Variants in DENND2D observed in about 807,000 individuals in gnomAD.
DENND2D encodes DENN domain-containing protein 2D.
In DENND2D, 37 loss-of-function variants were observed where a neutral mutation model predicts 59.8. The ratio of observed to expected loss-of-function variants is 0.62; its 90% CI spans 0.48 to 0.81. The LOEUF (loss-of-function observed/expected upper bound fraction) is 0.81, where lower values mean the gene tolerates loss of function less well. Ranked by LOEUF, DENND2D falls within the 40% of genes least tolerant of loss-of-function variation. The pLI, the probability that DENND2D is intolerant of heterozygous loss-of-function variation, is 0.00. For missense variants in DENND2D, 525 were observed against 579.7 expected, an observed-to-expected ratio of 0.91 and a Z score of 0.97; for synonymous variants, 219 against 211.3, an observed-to-expected ratio of 1.04 and a Z score of -0.31.
At chr1:111,190,346 C>A (rs144252489) in intron 8 of DENND2D, among the ~76,000 whole-genome samples, 1 of 152,122 alleles carries the variant, frequency 6.6e-6, no homozygotes, top group South Asian at 2.1e-4. Flanking sequence ...AGTTTTAGCA[C>A]TGGCCCCATC....
chr1:111,189,773 C>A (rs1220614513), intron 8 of DENND2D, among the ~76,000 whole-genome samples: 1 of 152,178 alleles, frequency 6.6e-6, no homozygotes, highest in African/African-American at 2.4e-5. Flanking sequence ...TTGCATTCCT[C>A]TCTCTACAAT....
At chr1:111,200,740 G>A, upstream of DENND2D, 1 of 1,240,446 alleles carries the variant, frequency 8.1e-7, no homozygotes, top group Non-Finnish European at 1.0e-6. Context: ...GAGCCCCAGG[G>A]TGTGGCGAGA....
At chr1:111,200,107 T>A in intron 1 of DENND2D, 1 of 555,876 alleles carries the variant, frequency 1.8e-6, no homozygotes, top group Non-Finnish European at 3.2e-6. Flanking sequence ...CTGCCTAACC[T>A]GTCGGGTGCT....
upstream of DENND2D, chr1:111,204,268 C>T (rs1261172082): frequency 1.4e-6 from 2 of 1,463,076 alleles, no homozygotes; most frequent in South Asian, 1.3e-5. Context: ...CACGCCGTCC[C>T]CCCGCGCTCT....
In DENND2D at chr1:111,194,734, G is replaced by A. The variant is rs372611485; in HGVS notation, c.646-8C>T. ...CCGTGTCAGTGAAATGAACTGTGGGGAAACCAGAGAGAGAGAAGGTGTCAC... is the reference window on the plus strand; with the variant it reads ...CCGTGTCAGTGAAATGAACTGTGGGAAAACCAGAGAGAGAGAAGGTGTCAC... On this transcript the variant is annotated splice_region_variant and splice_polypyrimidine_tract_variant and intron_variant, in intron 6 of 11. Coordinates refer to ENST00000357640, the MANE Select transcript of DENND2D (RefSeq NM_024901.5). 143 of 1,613,622 alleles carry A rather than the reference G, an allele frequency of 8.9e-5. No homozygotes were observed. In the African/African-American group the frequency reaches 1.8e-3, roughly 20 times the overall value.
chr1:111,204,453 G>T, upstream of DENND2D: 3 of 1,208,604 alleles, frequency 2.5e-6, no homozygotes, highest in South Asian at 2.1e-5. Flanking sequence ...CACGCGGGGG[G>T]AGGCCTAGGG....
Position 111,197,199 on chromosome 1 carries a change from C to T in DENND2D, c.481G>A (p.Gly161Ser), listed in dbSNP as rs780918814. 7.1e-5 allele frequency: 115 copies of T among 1,613,758 alleles called. No homozygotes were observed. The highest frequency in any genetic ancestry group is 8.6e-5 in the Non-Finnish European group (101 of 1,179,972). Residue 161 changes from glycine (G) to serine (S), a missense_variant, in exon 5 of 12, where the codon GGC becomes AGC. Physicochemically the swap from Gly to Ser is moderately conservative, Grantham distance 56. Coordinates refer to ENST00000357640, the MANE Select transcript of DENND2D (RefSeq NM_024901.5). ...PKVYCIISCI[G>S]CFGLFSKILD... is the part of the protein sequence containing the mutation. ...ACCTTGGAGAACAAGCCGAAGCAGCCGATGCAGCTGATGATGCAGTACACT... is the reference window on the plus strand; with the variant it reads ...ACCTTGGAGAACAAGCCGAAGCAGCTGATGCAGCTGATGATGCAGTACACT...
chr1:111,187,760 A>G (rs1381633583), intron 11 of DENND2D, 79 bp from the exon 12 acceptor site: 1 of 1,179,822 alleles, frequency 8.5e-7, no homozygotes, highest in Admixed American at 1.9e-5. Flanking sequence ...AAGGATCAGA[A>G]ATATCCTGTC....
upstream of DENND2D, chr1:111,204,508 A>AC: frequency 1.3e-6 from 1 of 799,348 alleles, no homozygotes; most frequent in South Asian, 3.2e-5. Flanking sequence ...CTCCGGCCCA[A>AC]CCCCCGGGCG....
At chr1:111,189,939 T>C (rs567379876) in intron 8 of DENND2D, among the ~76,000 whole-genome samples, 22 of 151,554 alleles carry the variant, frequency 1.5e-4, no homozygotes, top group Admixed American at 3.9e-4. Context: ...CCGAGGCGGG[T>C]GGATCACGAG....
chr1:111,188,720 C>T lies in DENND2D; in HGVS notation c.1081G>A (p.Gly361Arg), dbSNP rs1199159995. The change falls in exon 10 of 12, where the codon GGG becomes AGG. Residue 361 changes from glycine to arginine, a missense_variant. Gly to Arg is a moderately radical substitution (Grantham distance 125). Transcript: ENST00000357640. ...QDDILDSLGQ[G>R]INELKTAEQI... ...GACTTACTCTTTAACTCATTGATCC[C>T]CTGACCAAGAGAGTCTAAGATGTCA... 1 of 1,614,030 alleles carries T rather than the reference C, an allele frequency of 6.2e-7. No homozygotes were observed. The highest frequency in any genetic ancestry group is 1.7e-5 in the Admixed American group (1 of 60,008).
chr1:111,197,559 G>T (rs1476418845), intron 4 of DENND2D: 2 of 1,365,332 alleles, frequency 1.5e-6, no homozygotes, highest in South Asian at 1.7e-5. Context: ...GGTGACTTGG[G>T]GAATCCTCCT....
At chr1:111,198,028 C>T (rs143020480) in intron 3 of DENND2D, 39 bp from the exon 4 acceptor site, 25 of 1,601,406 alleles carry the variant, frequency 1.6e-5, no homozygotes, top group Middle Eastern at 3.3e-4. Flanking sequence ...GTATTGCTCA[C>T]TGAATCCTAA....
upstream of DENND2D, chr1:111,204,286 C>T: frequency 6.8e-7 from 1 of 1,473,444 alleles, no homozygotes; most frequent in Admixed American, 2.3e-5. Context: ...TCTCCCCGGC[C>T]GGCACTAACC....
chr1:111,194,342 TC>T (rs1658028450), intron 7 of DENND2D, among the ~76,000 whole-genome samples: 1 of 152,160 alleles, frequency 6.6e-6, no homozygotes. Flanking sequence ...TTCCTGTCCT[TC>T]CCCAAGCTAA....
chr1:111,202,785 C>T (rs897917298), upstream of DENND2D, among the ~76,000 whole-genome samples: 2 of 151,986 alleles, frequency 1.3e-5, no homozygotes, highest in African/African-American at 2.4e-5. Context: ...GGGGGAGAAT[C>T]CCCAGGCAAG....
At position 111,198,611 on chromosome 1, in the gene DENND2D, C is replaced by T; in HGVS notation, c.356+19G>A. 1 of 1,612,844 alleles carries T rather than the reference C, an allele frequency of 6.2e-7. No homozygotes were observed. The highest frequency in any genetic ancestry group is 8.5e-7 in the Non-Finnish European group (1 of 1,179,056). ...CTTCTCCCCAAATCCAATACCCTTG[C>T]CCAGGGCTGAGCAATTACCTGGGAT... On this transcript the variant is annotated intron_variant, in intron 3 of 11. Coordinates refer to ENST00000357640, the MANE Select transcript of DENND2D (RefSeq NM_024901.5).
At chr1:111,189,673 G>A (rs933233517) in intron 8 of DENND2D, among the ~76,000 whole-genome samples, 1 of 152,152 alleles carries the variant, frequency 6.6e-6, no homozygotes, top group Non-Finnish European at 1.5e-5. Flanking sequence ...TGAAGATGAG[G>A]AAACAGACCC....
At chr1:111,200,359 C>T (rs2101508004) in intron 1 of DENND2D, 34 bp downstream of exon 1, 1 of 1,602,964 alleles carries the variant, frequency 6.2e-7, no homozygotes, top group Non-Finnish European at 8.5e-7. Flanking sequence ...GAGGGTCACC[C>T]TAAAAACAAG....
Sources: allele counts gnomAD v4.1 joint callset (sites outside exome capture counted in the v4.1 genomes callset), GRCh38; gene constraint gnomAD v4.1.1; transcripts MANE v1.5; gene names NCBI Gene and HGNC (gene_info 2026-07-23, HGNC 2026-07-21).